NCK1: variants seen among roughly 807,000 people sequenced by gnomAD.
The protein encoded by NCK1 is SH2/SH3 adapter protein NCK1.
Under a neutral mutation model 36.6 loss-of-function variants are expected in NCK1, and 19 were observed. The ratio of observed to expected loss-of-function variants is 0.52; its 90% CI spans 0.36 to 0.76. NCK1 has a LOEUF of 0.76. NCK1 is among the 30% of genes least tolerant of loss of function. The pLI, the probability that NCK1 is intolerant of heterozygous loss-of-function variation, is 0.00. For missense variants in NCK1, 358 were observed against 445.6 expected (o/e 0.80, Z 1.77); for synonymous variants, 165 against 156.0 (o/e 1.06, Z -0.43).
intron 1 of NCK1, among the ~76,000 whole-genome samples, chr3:136,896,983 TG>T (rs1171784496): frequency 3.3e-5 from 5 of 152,246 alleles, no homozygotes; most frequent in African/African-American, 1.2e-4. Context: ...GAGAAATTTT[TG>T]TAGGTTTCCA....
In NCK1 at chr3:136,931,394, A is replaced by G. The variant is rs571336763; in HGVS notation, c.226+3167A>G. Reference sequence around the variant, plus strand: ...CAACAAGCCTAAGGAAACAAAGAGTAACCTGACAAGAGATTCCAGAGAAAA... The same window carrying G: ...CAACAAGCCTAAGGAAACAAAGAGTGACCTGACAAGAGATTCCAGAGAAAA... On this transcript the variant is annotated intron_variant, in intron 2 of 3. Transcript: ENST00000481752. 1.7e-3 allele frequency among the ~76,000 whole-genome samples: 259 copies of G among 152,338 alleles called. 1 individual carries two copies. The highest frequency in any genetic ancestry group is 5.2e-3 in the African/African-American group (218 of 41,580).
At chr3:136,941,087 A>G (rs916921894) in intron 2 of NCK1, among the ~76,000 whole-genome samples, 3 of 131,158 alleles carry the variant, frequency 2.3e-5, no homozygotes, top group East Asian at 2.2e-4. Context: ...CAATTCTTCT[A>G]TTACTGTCTT....
chr3:136,883,850 C>G (rs1037796489), intron 1 of NCK1, among the ~76,000 whole-genome samples: 3 of 152,128 alleles, frequency 2.0e-5, no homozygotes, highest in Non-Finnish European at 4.4e-5. Context: ...GAAAAACCAA[C>G]ACAAATTGAT....
At chr3:136,912,838 G>A (rs1277762217) in intron 1 of NCK1, among the ~76,000 whole-genome samples, 2 of 133,636 alleles carry the variant, frequency 1.5e-5, no homozygotes, top group Non-Finnish European at 3.2e-5. Context: ...TTTTTTTGTA[G>A]AAGCAGGGTC....
At position 136,910,347 on chromosome 3, in the gene NCK1, C is replaced by T. The variant is rs117046628; in HGVS notation, c.-18-17637C>T. Reference sequence around the variant, plus strand: ...TTCCTGTACAGCTCCATCCCTACCCCCTTTTGGTTATTTTATGCATTTGTC... The same window carrying T: ...TTCCTGTACAGCTCCATCCCTACCCTCTTTTGGTTATTTTATGCATTTGTC... On this transcript the variant is annotated intron_variant, in intron 1 of 3. Transcript: ENST00000481752. Among the ~76,000 whole-genome samples, 24 of 152,224 alleles carry T rather than the reference C, an allele frequency of 1.6e-4. No individual in the cohort carries two copies. In the East Asian group the frequency reaches 4.0e-3, roughly 26 times the overall value.
At chr3:136,906,695 A>G (rs889649826) in intron 1 of NCK1, among the ~76,000 whole-genome samples, 1 of 152,164 alleles carries the variant, frequency 6.6e-6, no homozygotes, top group East Asian at 1.9e-4. Context: ...TTTAGGACCC[A>G]AGCTGTCTGT....
In NCK1 at chr3:136,948,957, T is replaced by G. The variant is rs1165336795; in HGVS notation, c.*504T>G. 1 of 152,516 alleles carries G rather than the reference T, an allele frequency of 6.6e-6. No individual in the cohort carries two copies. The highest frequency in any genetic ancestry group is 1.9e-4 in the East Asian group (1 of 5,200). 9.4% of individuals were successfully genotyped at this position (152,516 alleles called of 1,614,324 possible). A position where few individuals can be genotyped will look rare whatever the true frequency, so the allele number is the denominator to read the frequency against. ...TTAGAAATTATTTCCAGGTATTATA[T>G]TTGTCACAGGCCATTGTAAATACCA... On this transcript the variant is annotated 3_prime_UTR_variant, in exon 4 of 4. Transcript: ENST00000481752.
intron 1 of NCK1, among the ~76,000 whole-genome samples, chr3:136,902,800 T>C (rs751881674): frequency 9.9e-5 from 15 of 152,210 alleles, no homozygotes; most frequent in Non-Finnish European, 7.3e-5. Context: ...TATGATCTTA[T>C]ATTTAGAAAA....
intron 1 of NCK1, among the ~76,000 whole-genome samples, chr3:136,887,423 A>G (rs930767783): frequency 6.6e-6 from 1 of 152,200 alleles, no homozygotes; most frequent in Non-Finnish European, 1.5e-5. Flanking sequence ...AGTTTGGAAT[A>G]AAGGATAAGT....
chr3:136,910,165 T>C (rs1576970647), intron 1 of NCK1, among the ~76,000 whole-genome samples: 1 of 152,208 alleles, frequency 6.6e-6, no homozygotes, highest in African/African-American at 2.4e-5. Context: ...TACTGTCTTT[T>C]GTGCTGAATT....
chr3:136,941,434 T>C (rs1364013226), intron 2 of NCK1, among the ~76,000 whole-genome samples: 3 of 152,108 alleles, frequency 2.0e-5, no homozygotes, highest in Non-Finnish European at 4.4e-5. Flanking sequence ...CTGGACTATT[T>C]TCTCTAATAT....
chr3:136,882,810 C>T (rs745923740), intron 1 of NCK1, among the ~76,000 whole-genome samples: 15 of 152,110 alleles, frequency 9.9e-5, no homozygotes, highest in Non-Finnish European at 1.9e-4. Flanking sequence ...GCAGGGGTGG[C>T]TGGGAAGTGT....
intron 1 of NCK1, among the ~76,000 whole-genome samples, chr3:136,921,753 A>G (rs1349975955): frequency 6.6e-6 from 1 of 152,182 alleles, no homozygotes; most frequent in South Asian, 2.1e-4. Context: ...GAGTATGCTA[A>G]GGGAAAGACA....
chr3:136,899,647 C>T (rs540495362), intron 1 of NCK1: 2 of 711,032 alleles, frequency 2.8e-6, no homozygotes, highest in Admixed American at 3.8e-5. Context: ...CCACCATTGT[C>T]TTTCTTAGTA....
intron 1 of NCK1, among the ~76,000 whole-genome samples, chr3:136,891,484 G>A (rs961125600): frequency 5.3e-5 from 8 of 152,214 alleles, no homozygotes; most frequent in Non-Finnish European, 1.0e-4. Context: ...TGTGAATAAT[G>A]CCAATATGAA....
intron 2 of NCK1, among the ~76,000 whole-genome samples, chr3:136,935,135 AG>A (rs1170154302): frequency 6.6e-6 from 1 of 152,174 alleles, no homozygotes; most frequent in Non-Finnish European, 1.5e-5. Context: ...TCCTGGCCTC[AG>A]GTGATCTGCC....
rs573595926 is a variant in NCK1, at chr3:136,880,284, C to CA, written c.-19+17944dup. On this transcript the variant is annotated intron_variant, in intron 1 of 3. Coordinates refer to ENST00000481752, the MANE Select transcript of NCK1 (RefSeq NM_001291999.2). ...GGGGTGACAGAGCGAGACTCCGTCT[C>CA]AAAAAAAAAAAAAGAATGTGACCTT... Among the ~76,000 whole-genome samples the CA allele has an allele frequency of 5.3e-3, 674 of 126,032 alleles. 3 individuals carry two copies. The highest frequency in any genetic ancestry group is 0.015 in the African/African-American group (524 of 34,090). 82.7% of individuals were successfully genotyped at this position (126,032 alleles called of 152,430 possible).
At chr3:136,928,412 T>C (rs2108130157) in intron 2 of NCK1, 185 bp downstream of exon 2, 3 of 586,802 alleles carry the variant, frequency 5.1e-6, no homozygotes, top group Middle Eastern at 4.5e-4. Context: ...ACATGCAGTT[T>C]CTGTAAATCT....
At chr3:136,871,126 G>A (rs1938605068) in intron 1 of NCK1, among the ~76,000 whole-genome samples, 1 of 151,824 alleles carries the variant, frequency 6.6e-6, no homozygotes, top group Non-Finnish European at 1.5e-5. Context: ...TCTGGGCATG[G>A]TGGCTTATGC....
Sources: allele counts gnomAD v4.1 joint callset (sites outside exome capture counted in the v4.1 genomes callset), GRCh38; gene constraint gnomAD v4.1.1; transcripts MANE v1.5; gene names NCBI Gene and HGNC (gene_info 2026-07-23, HGNC 2026-07-21).